RPS6KA2: variants seen among roughly 807,000 people sequenced by gnomAD.
RPS6KA2 encodes the protein ribosomal protein S6 kinase alpha-2.
Under a neutral mutation model 91.8 loss-of-function variants are expected in RPS6KA2, and 42 were observed. The ratio of observed to expected loss-of-function variants is 0.46; its 90% CI spans 0.36 to 0.59. The LOEUF (loss-of-function observed/expected upper bound fraction) is 0.59, where lower values mean the gene tolerates loss of function less well. Among genes scored for constraint, RPS6KA2 ranks in the 20% least tolerant of loss-of-function variants. The pLI, the probability that RPS6KA2 is intolerant of heterozygous loss-of-function variation, is 0.00. For synonymous variants in RPS6KA2, 414 were observed against 393.6 expected, an observed-to-expected ratio of 1.05 and a Z score of -0.61; for missense variants, 798 against 978.5, an observed-to-expected ratio of 0.82 and a Z score of 2.46.
intron 2 of RPS6KA2, among the ~76,000 whole-genome samples, chr6:166,724,197 A>G (rs1001643161): frequency 1.3e-5 from 2 of 152,136 alleles, no homozygotes; most frequent in African/African-American, 4.8e-5. Context: ...ATATAAATAT[A>G]TTTGCCTCTG....
At chr6:166,545,449 G>A (rs1583264840) in intron 1 of RPS6KA2, among the ~76,000 whole-genome samples, 2 of 152,308 alleles carry the variant, frequency 1.3e-5, no homozygotes, top group East Asian at 1.9e-4. Flanking sequence ...ACTCACTGAA[G>A]CTCCTCGGAA....
At chr6:166,545,722 A>G (rs143839232) in intron 1 of RPS6KA2, among the ~76,000 whole-genome samples, 29 of 152,086 alleles carry the variant, frequency 1.9e-4, no homozygotes, top group African/African-American at 6.8e-4. Flanking sequence ...CTTCGCCTTC[A>G]TTGCCTGTTG....
intron 3 of RPS6KA2, among the ~76,000 whole-genome samples, chr6:166,521,179 G>A (rs77551307): frequency 0.027 from 4,109 of 152,308 alleles, 183 homozygotes; most frequent in African/African-American, 0.091. Flanking sequence ...CAGGAGCCTT[G>A]GGGGTGTGGC....
At chr6:166,739,697 T>C (rs1344864494) in intron 2 of RPS6KA2, among the ~76,000 whole-genome samples, 1 of 152,240 alleles carries the variant, frequency 6.6e-6, no homozygotes, top group Non-Finnish European at 1.5e-5. Flanking sequence ...TCTGTGCCAA[T>C]GCAGCCTCCG....
In RPS6KA2 at chr6:166,785,726, A is replaced by C. The variant is rs116537549; in HGVS notation, c.123+72474T>G. Among the ~76,000 whole-genome samples, 566 of 152,360 alleles carry C rather than the reference A, an allele frequency of 3.7e-3. 4 individuals are homozygous for C. Among genetic ancestry groups the C allele is most frequent in the African/African-American group, 0.013 (546 of 41,586 alleles). Reference sequence around the variant, plus strand: ...TAGCTGAGTCCAAGCCCGTATTCTTAAGCACCACAATTTGCTTCCAGGCAT... The same window carrying C: ...TAGCTGAGTCCAAGCCCGTATTCTTCAGCACCACAATTTGCTTCCAGGCAT... On this transcript the variant is annotated intron_variant, in intron 2 of 21. Transcript: ENST00000503859.
chr6:166,670,599 TAA>T (rs59708090), intron 2 of RPS6KA2, among the ~76,000 whole-genome samples: 26,914 of 152,146 alleles, frequency 0.18, 2,384 homozygotes, highest in South Asian at 0.23. Flanking sequence ...TCCTAAAACA[TAA>T]GTGTGATCTT....
upstream of RPS6KA2, among the ~76,000 whole-genome samples, chr6:166,628,435 G>A (rs1159585446): frequency 6.6e-6 from 1 of 152,228 alleles, no homozygotes; most frequent in Non-Finnish European, 1.5e-5. Flanking sequence ...TTTGCAGTGC[G>A]AACTGCAAAA....
At chr6:166,814,811 C>T (rs1480579379) in intron 2 of RPS6KA2, among the ~76,000 whole-genome samples, 1 of 151,822 alleles carries the variant, frequency 6.6e-6, no homozygotes, top group East Asian at 2.0e-4. Context: ...CAGATGGGAC[C>T]GTCTAGTTGC....
chr6:166,412,928 C>T lies in RPS6KA2; in HGVS notation c.2077-41G>A. ...CAAGGGTGAGAGCCGCGGCGCCTCA[C>T]TCCAGGGGTTGAGCCGGAGCCCGGG... On this transcript the variant is annotated intron_variant, in intron 20 of 20. Transcript: ENST00000265678. The surrounding 1 kb of genome is among the most constrained non-coding windows in gnomAD (Gnocchi z 4.3). The T allele has an allele frequency of 6.6e-7, 1 of 1,521,724 alleles. No homozygotes were observed. The highest frequency in any genetic ancestry group is 8.8e-7 in the Non-Finnish European group (1 of 1,129,950). The allele number at this position is 1,521,724 out of a possible 1,614,324, so 94.3% of individuals were successfully genotyped here. A position where few individuals can be genotyped will look rare whatever the true frequency, so the allele number is the denominator to read the frequency against.
Position 166,767,357 on chromosome 6 carries a change from C to T in RPS6KA2, c.123+90843G>A, listed in dbSNP as rs534117975. 7.9e-5 allele frequency among the ~76,000 whole-genome samples: 12 copies of T among 152,274 alleles called. No homozygotes were observed. In the East Asian group the frequency reaches 2.3e-3, roughly 29 times the overall value. On this transcript the variant is annotated intron_variant, in intron 2 of 21. Transcript: ENST00000503859. This position sits in a 1 kb window ranked among gnomAD's most constrained non-coding sequence, Gnocchi z 4.6. ...GAAAACAGAAAAATCACTCCTCTAA[C>T]CAAGACCACAAAGGCCGCGCGGATC...
chr6:166,734,908 A>T (rs569583074), intron 2 of RPS6KA2, among the ~76,000 whole-genome samples: 2 of 152,378 alleles, frequency 1.3e-5, no homozygotes, highest in East Asian at 3.9e-4. Context: ...ACAGATTTTG[A>T]AAGTTCCTAT....
intron 1 of RPS6KA2, among the ~76,000 whole-genome samples, chr6:166,598,677 G>A (rs3799590): frequency 0.1 from 15,328 of 152,184 alleles, 850 homozygotes; most frequent in East Asian, 0.26. Context: ...ATTCTTTCCC[G>A]TTGCGTCAGG....
chr6:166,669,828 A>G (rs1041516454), intron 2 of RPS6KA2, among the ~76,000 whole-genome samples: 1 of 152,144 alleles, frequency 6.6e-6, no homozygotes, highest in African/African-American at 2.4e-5. Context: ...ATTCCTACCG[A>G]GGTCCAGGGT....
At chr6:166,517,033 T>C (rs774104084) in intron 3 of RPS6KA2, among the ~76,000 whole-genome samples, 1 of 152,162 alleles carries the variant, frequency 6.6e-6, no homozygotes, top group Non-Finnish European at 1.5e-5. Context: ...GAAAACTTGG[T>C]AAGTCTGGTG....
intron 8 of RPS6KA2, among the ~76,000 whole-genome samples, chr6:166,496,086 C>T (rs920185457): frequency 6.6e-6 from 1 of 152,202 alleles, no homozygotes. Context: ...CGTGGTGGCT[C>T]ACGCCTGCAA....
chr6:166,690,025 A>G (rs1583023121), intron 2 of RPS6KA2, among the ~76,000 whole-genome samples: 1 of 152,182 alleles, frequency 6.6e-6, no homozygotes, highest in Non-Finnish European at 1.5e-5. Context: ...ACGGTCCCGC[A>G]ATCCCACCGC....
chr6:166,451,281 C>G (rs1779907526), intron 12 of RPS6KA2, 48 bp from the exon 13 acceptor site: 1 of 1,606,964 alleles, frequency 6.2e-7, no homozygotes, highest in Non-Finnish European at 8.5e-7. Flanking sequence ...GCTGGGTGAC[C>G]CTGGGGTGAA....
In RPS6KA2 at chr6:166,733,405, G is replaced by A. The variant is rs899872991; in HGVS notation, c.123+124795C>T. ...AATTGGAATGTTCTTTTGCATTGTC[G>A]TCCAGGAAATTTAGAGGCCAACGAG... On this transcript the variant is annotated intron_variant, in intron 2 of 21. Transcript: ENST00000503859. This position sits in a 1 kb window ranked among gnomAD's most constrained non-coding sequence, Gnocchi z 4.1. Among the ~76,000 whole-genome samples the A allele has an allele frequency of 3.0e-4, 46 of 152,176 alleles. No homozygotes were observed. The highest frequency in any genetic ancestry group is 3.4e-3 in the Middle Eastern group (1 of 294).
chr6:166,507,256 G>A (rs961015306), intron 5 of RPS6KA2, among the ~76,000 whole-genome samples: 3 of 152,068 alleles, frequency 2.0e-5, no homozygotes, highest in Non-Finnish European at 2.9e-5. Context: ...GGTCAACAGC[G>A]TGACTTATGG....
Sources: gnomAD v4.1 joint callset for allele counts (sites outside exome capture counted in the v4.1 genomes callset) on GRCh38, gnomAD v4.1.1 for gene constraint, Gnocchi (gnomAD v3.1) non-coding constraint, MANE v1.5 for transcripts, NCBI Gene and HGNC (gene_info 2026-07-23, HGNC 2026-07-21) for gene names.